The following NAA35 variants were observed in gnomAD, a reference collection of about 807,000 sequenced individuals.
NAA35 encodes the protein N-alpha-acetyltransferase 35, NatC auxiliary subunit.
In NAA35, 18 loss-of-function variants were observed where a neutral mutation model predicts 101.7. The ratio of observed to expected loss-of-function variants is 0.18; its 90% CI spans 0.12 to 0.26. The LOEUF (loss-of-function observed/expected upper bound fraction) is 0.26. NAA35 is among the 10% of genes least tolerant of loss of function. NAA35 has a pLI of 1.00. For missense variants in NAA35, 601 were observed against 886.8 expected, an observed-to-expected ratio of 0.68 and a Z score of 4.09; for synonymous variants, 267 against 273.1, an observed-to-expected ratio of 0.98 and a Z score of 0.22.
intron 2 of NAA35, among the ~76,000 whole-genome samples, chr9:85,943,488 C>CA (rs1828613501): frequency 6.6e-6 from 1 of 152,082 alleles, no homozygotes; most frequent in Non-Finnish European, 1.5e-5. Context: ...GGGGCACCTG[C>CA]AGGTGGAAAG....
chr9:85,956,338 G>GTT, intron 2 of NAA35, 22 bp from the exon 3 acceptor site: 1 of 1,322,092 alleles, frequency 7.6e-7, no homozygotes, highest in South Asian at 1.4e-5. Flanking sequence ...TGTTCAAAGG[G>GTT]TTTTTCTCTT....
chr9:85,955,770 A>G (rs1192065202), intron 2 of NAA35, among the ~76,000 whole-genome samples: 2 of 152,164 alleles, frequency 1.3e-5, no homozygotes, highest in Non-Finnish European at 2.9e-5. Flanking sequence ...TCCCAACTCT[A>G]GATTTCATTG....
intron 11 of NAA35, among the ~76,000 whole-genome samples, chr9:85,994,240 G>A (rs1831062574): frequency 6.6e-6 from 1 of 152,108 alleles, no homozygotes; most frequent in Admixed American, 6.5e-5. Flanking sequence ...CCACATTGCT[G>A]TGCAACTATC....
chr9:85,941,858 T>G (rs1828533801), intron 1 of NAA35: 7 of 1,091,586 alleles, frequency 6.4e-6, no homozygotes, highest in Non-Finnish European at 7.8e-6. Flanking sequence ...TCTGGAGTTG[T>G]TCTTTTCGGG....
At chr9:85,969,471 A>G (rs1318592195) in intron 6 of NAA35, among the ~76,000 whole-genome samples, 1 of 152,160 alleles carries the variant, frequency 6.6e-6, no homozygotes, top group Non-Finnish European at 1.5e-5. Flanking sequence ...ATCTTCAAAG[A>G]TACTACTCTA....
intron 2 of NAA35, among the ~76,000 whole-genome samples, chr9:85,952,491 G>T (rs1430363052): frequency 6.6e-6 from 1 of 151,862 alleles, no homozygotes; most frequent in Non-Finnish European, 1.5e-5. Flanking sequence ...CACCATGTTG[G>T]CCAGGCTGGT....
intron 2 of NAA35, among the ~76,000 whole-genome samples, chr9:85,942,486 G>A (rs1828567144): frequency 6.6e-6 from 1 of 152,210 alleles, no homozygotes; most frequent in Admixed American, 6.5e-5. Flanking sequence ...TGTTGAGGCA[G>A]TATTTTAAAA....
At position 85,942,228 on chromosome 9, in the gene NAA35, G is replaced by A; in HGVS notation, c.69G>A (p.Glu23=). The part of the protein sequence containing the change: ...GWELSMPEKM[E]KSNTNWVDIT... The stretch of plus-strand genomic sequence containing the variant: ...AGCTCAGTATGCCAGAAAAAATGGA[G>A]AAAAGCAATACAAACTGGGTGGACA... Residue 23 remains glutamate (E), a synonymous_variant, in exon 2 of 23, where the codon GAG becomes GAA. Transcript: ENST00000361671. 3.1e-6 allele frequency: 5 copies of A among 1,614,156 alleles called. No homozygotes were observed. Among genetic ancestry groups the A allele is most frequent in the Non-Finnish European group, 4.2e-6 (5 of 1,180,022 alleles).
At chr9:85,945,575 G>C (rs1432465116) in intron 2 of NAA35, among the ~76,000 whole-genome samples, 2 of 150,436 alleles carry the variant, frequency 1.3e-5, no homozygotes, top group African/African-American at 5.0e-5. Flanking sequence ...ACCCAGGCTG[G>C]AGTGCAGTGG....
chr9:86,009,444 A>T (rs1369582809), intron 14 of NAA35, among the ~76,000 whole-genome samples: 1 of 152,186 alleles, frequency 6.6e-6, no homozygotes, highest in Non-Finnish European at 1.5e-5. Flanking sequence ...TTTATAACCA[A>T]TGGTGAGGAG....
chr9:86,020,758 A>G, intron 21 of NAA35, 131 bp from the exon 22 acceptor site: 1 of 551,992 alleles, frequency 1.8e-6, no homozygotes, highest in Non-Finnish European at 3.2e-6. Flanking sequence ...CTGAACCAGG[A>G]GGTTGAGGCT....
intron 6 of NAA35, among the ~76,000 whole-genome samples, chr9:85,968,837 A>G (rs1829873393): frequency 6.6e-6 from 1 of 152,192 alleles, no homozygotes; most frequent in Non-Finnish European, 1.5e-5. Flanking sequence ...TTGTGATTGT[A>G]TAAATATTAA....
rs199805722 is a variant in NAA35 at position 85,956,346 on chromosome 9, C to T, written c.125-14C>T. The stretch of plus-strand genomic sequence containing the variant: ...ATAAATATGTTCAAAGGGTTTTTCT[C>T]TTTTTTTTTTTAGAATTAAAGTTGG... On this transcript the variant is annotated splice_polypyrimidine_tract_variant and intron_variant, in intron 2 of 22. Transcript: ENST00000361671. The T allele has an allele frequency of 1.6e-3, 1,756 of 1,069,638 alleles. 17 individuals carry two copies. In the South Asian group the frequency reaches 0.027, roughly 17 times the overall value. 66.3% of individuals were successfully genotyped at this position (1,069,638 alleles called of 1,614,324 possible).
At chr9:85,999,618 G>A (rs1831330801) in intron 12 of NAA35, among the ~76,000 whole-genome samples, 1 of 152,174 alleles carries the variant, frequency 6.6e-6, no homozygotes, top group South Asian at 2.1e-4. Context: ...ACCCACACTG[G>A]TTCTAACCAA....
intron 2 of NAA35, among the ~76,000 whole-genome samples, chr9:85,947,535 G>A (rs1467312441): frequency 2.0e-5 from 3 of 152,156 alleles, no homozygotes; most frequent in Non-Finnish European, 2.9e-5. Flanking sequence ...GATGGCCAGC[G>A]CTGGCATTTA....
rs766210095 is a variant in NAA35 at position 85,996,381 on chromosome 9, T to C, written c.878-18T>C. On this transcript the variant is annotated intron_variant, in intron 11 of 22. Coordinates refer to ENST00000361671, the MANE Select transcript of NAA35 (RefSeq NM_024635.4). ...AGAGAAAAGTTGAAAAATTTTACTT[T>C]CATTTTTTTCTTTTTAGATCATCCA... 6.5e-7 allele frequency: 1 copy of C among 1,543,992 alleles called. No individual in the cohort carries two copies. Among genetic ancestry groups the C allele is most frequent in the Non-Finnish European group, 8.7e-7 (1 of 1,150,692 alleles).
intron 6 of NAA35, among the ~76,000 whole-genome samples, chr9:85,969,375 A>G (rs561914213): frequency 1.3e-5 from 2 of 151,402 alleles, no homozygotes; most frequent in Admixed American, 6.6e-5. Context: ...AATGTGCCCT[A>G]TATTCTGTTG....
At position 86,007,473 on chromosome 9, in the gene NAA35, T is replaced by C; in HGVS notation, c.1223+9T>C. On this transcript the variant is annotated intron_variant, in intron 14 of 22. Transcript: ENST00000361671. ...CCGGTGCTTTCCCCCAAGTAAGTATTGTAAGACATTTTAGAGTTGTATGTA... is the reference window on the plus strand; with the variant it reads ...CCGGTGCTTTCCCCCAAGTAAGTATCGTAAGACATTTTAGAGTTGTATGTA... The C allele has an allele frequency of 6.2e-7, 1 of 1,607,668 alleles. No homozygotes were observed. The highest frequency in any genetic ancestry group is 8.5e-7 in the Non-Finnish European group (1 of 1,174,398).
chr9:85,972,996 T>C (rs1228023878), intron 6 of NAA35, among the ~76,000 whole-genome samples: 1 of 152,124 alleles, frequency 6.6e-6, no homozygotes, highest in African/African-American at 2.4e-5. Context: ...GGATATAAAA[T>C]GGTGGATGGT....
Sources: allele counts gnomAD v4.1 joint callset (sites outside exome capture counted in the v4.1 genomes callset), GRCh38; gene constraint gnomAD v4.1.1; transcripts MANE v1.5; gene names NCBI Gene and HGNC (gene_info 2026-07-23, HGNC 2026-07-21).